Variants in CERT1 observed in about 807,000 individuals in gnomAD.
The protein encoded by CERT1 is ceramide transfer protein.
In CERT1, 31 loss-of-function variants were observed where a neutral mutation model predicts 87.9. The observed-to-expected ratio is 0.35, with a 90% CI of 0.27 to 0.48. The LOEUF is 0.48. Ranked by LOEUF, CERT1 falls within the 20% of genes least tolerant of loss-of-function variation. The pLI is 0.99. For synonymous variants in CERT1, 289 were observed against 250.9 expected, an observed-to-expected ratio of 1.15 and a Z score of -1.44; for missense variants, 487 against 758.0, an observed-to-expected ratio of 0.64 and a Z score of 4.20.
chr5:75,375,533 A>G (rs1288787077), downstream of CERT1: 2 of 151,076 alleles, frequency 1.3e-5, no homozygotes, highest in Non-Finnish European at 2.9e-5. Context: ...GTGAGCTGAG[A>G]TCGCTCCAGT....
Position 75,419,979 on chromosome 5 carries a change from C to CT in CERT1, c.596-556dup, listed in dbSNP as rs1273635169. ...CCTTAGCTTGCCTCTAAGAGTTGTT[C>CT]TTTTTTTTTTTTTTGTAGATGGAGT... On this transcript the variant is annotated intron_variant, in intron 5 of 16. Coordinates refer to ENST00000643780, the MANE Select transcript of CERT1 (RefSeq NM_001379029.1). 9.8e-3 allele frequency among the ~76,000 whole-genome samples: 1,385 copies of CT among 141,884 alleles called. 15 individuals carry two copies. Among genetic ancestry groups the CT allele is most frequent in the African/African-American group, 0.027 (1,049 of 38,896 alleles). 93.1% of individuals were successfully genotyped at this position (141,884 alleles called of 152,430 possible).
intron 11 of CERT1, among the ~76,000 whole-genome samples, chr5:75,391,359 A>G (rs1762022592): frequency 1.3e-5 from 2 of 152,222 alleles, no homozygotes; most frequent in Non-Finnish European, 2.9e-5. Flanking sequence ...TATGGCCTTA[A>G]GTGTCTCCTG....
intron 5 of CERT1, among the ~76,000 whole-genome samples, chr5:75,424,484 A>G (rs1338041747): frequency 6.6e-6 from 1 of 151,964 alleles, no homozygotes; most frequent in African/African-American, 2.4e-5. Context: ...AGGCAGGACA[A>G]TCACTTGAAC....
intron 2 of CERT1, among the ~76,000 whole-genome samples, chr5:75,490,507 AT>A (rs374291367): frequency 0.08 from 11,985 of 150,328 alleles, 554 homozygotes; most frequent in South Asian, 0.17. Context: ...TTATTTATTT[AT>A]TTTTTTTTGA....
rs987926716 is a variant in CERT1, at chr5:75,425,510, T to C, written c.457-11A>G. The C allele has an allele frequency of 3.1e-6, 5 of 1,611,102 alleles. No homozygotes were observed. Among genetic ancestry groups the C allele is most frequent in the Non-Finnish European group, 3.4e-6 (4 of 1,179,064 alleles). The stretch of plus-strand genomic sequence containing the variant: ...TAAACTGTGGCCTTTCTGCAAAACA[T>C]AAAATAGGGGGATGTAATTCAAGTA... On this transcript the variant is annotated splice_polypyrimidine_tract_variant and intron_variant, in intron 4 of 16. Transcript: ENST00000643780.
downstream of CERT1, chr5:75,374,179 C>T (rs558900603): frequency 6.3e-5 from 25 of 398,510 alleles, no homozygotes; most frequent in South Asian, 2.3e-3. Flanking sequence ...GTCACACAGC[C>T]TTGCTTCAGT....
chr5:75,498,377 G>A (rs1328180397), intron 2 of CERT1, among the ~76,000 whole-genome samples: 2 of 152,192 alleles, frequency 1.3e-5, no homozygotes, highest in Non-Finnish European at 2.9e-5. Context: ...GACCTTCATG[G>A]CAGCCCCTCC....
intron 7 of CERT1, among the ~76,000 whole-genome samples, chr5:75,415,766 GT>G (rs1235931030): frequency 4.7e-5 from 7 of 147,446 alleles, no homozygotes; most frequent in Admixed American, 1.4e-4. Flanking sequence ...TCAATACATT[GT>G]TTTTTTTTTG....
At chr5:75,423,267 A>G (rs1763462140) in intron 5 of CERT1, among the ~76,000 whole-genome samples, 1 of 152,170 alleles carries the variant, frequency 6.6e-6, no homozygotes, top group Non-Finnish European at 1.5e-5. Context: ...AAGGCATCAT[A>G]TTCTATATGT....
intron 6 of CERT1, among the ~76,000 whole-genome samples, chr5:75,418,491 T>C (rs1763236767): frequency 6.6e-6 from 1 of 152,156 alleles, no homozygotes; most frequent in African/African-American, 2.4e-5. Context: ...CCTAGGTATT[T>C]ACCCAAAATA....
intron 11 of CERT1, 90 bp downstream of exon 11, chr5:75,399,220 G>T: frequency 1.1e-6 from 1 of 938,584 alleles, no homozygotes; most frequent in Non-Finnish European, 1.7e-6. Context: ...TAAAATCAGT[G>T]GCCTAACCAA....
intron 11 of CERT1, among the ~76,000 whole-genome samples, chr5:75,392,209 C>T (rs1037261096): frequency 2.0e-5 from 3 of 152,084 alleles, no homozygotes; most frequent in Non-Finnish European, 2.9e-5. Context: ...TCTAGATAGG[C>T]AAAAAATGCT....
At chr5:75,461,842 A>G (rs1204073204) in intron 2 of CERT1, among the ~76,000 whole-genome samples, 1 of 151,028 alleles carries the variant, frequency 6.6e-6, no homozygotes, top group Non-Finnish European at 1.5e-5. Context: ...AAAAAACGAG[A>G]GAAGATGAGT....
At chr5:75,474,802 CCTT>C (rs1217002904) in intron 2 of CERT1, among the ~76,000 whole-genome samples, 4 of 151,894 alleles carry the variant, frequency 2.6e-5, no homozygotes, top group Non-Finnish European at 5.9e-5. Flanking sequence ...AGCTCCTATG[CCTT>C]CTTCTACTAG....
chr5:75,447,248 C>T (rs1302083919), intron 3 of CERT1, among the ~76,000 whole-genome samples: 1 of 152,082 alleles, frequency 6.6e-6, no homozygotes, highest in African/African-American at 2.4e-5. Context: ...ACAGTTATAT[C>T]AGACATATCT....
chr5:75,431,934 G>A (rs1245594674), intron 3 of CERT1, among the ~76,000 whole-genome samples: 4 of 152,282 alleles, frequency 2.6e-5, no homozygotes, highest in African/African-American at 9.6e-5. Context: ...TATATACACA[G>A]TAATGAGATT....
intron 8 of CERT1, among the ~76,000 whole-genome samples, chr5:75,404,711 A>T (rs1351300179): frequency 6.6e-6 from 1 of 152,176 alleles, no homozygotes; most frequent in African/African-American, 2.4e-5. Flanking sequence ...TGAAAACTAC[A>T]GCATTTAAAA....
At chr5:75,442,468 G>A (rs1255298146) in intron 3 of CERT1, among the ~76,000 whole-genome samples, 1 of 152,180 alleles carries the variant, frequency 6.6e-6, no homozygotes, top group Non-Finnish European at 1.5e-5. Flanking sequence ...CAATCCACCT[G>A]CCACTGCCTC....
At chr5:75,374,584 T>C (rs1761216723), downstream of CERT1, 2 of 703,236 alleles carry the variant, frequency 2.8e-6, no homozygotes, top group African/African-American at 1.7e-5. Flanking sequence ...AAATTCGTCA[T>C]TTGAAACACA....
Sources: gnomAD v4.1 joint callset for allele counts (sites outside exome capture counted in the v4.1 genomes callset) on GRCh38, gnomAD v4.1.1 for gene constraint, MANE v1.5 for transcripts, NCBI Gene and HGNC (gene_info 2026-07-23, HGNC 2026-07-21) for gene names.